Variants in PRELID2 observed in about 807,000 individuals in gnomAD.
The protein encoded by PRELID2 is PRELI domain containing 2, also known as PRELI domain-containing protein 2.
In PRELID2, 25 loss-of-function variants were observed where a neutral mutation model predicts 28.4. The ratio of observed to expected loss-of-function variants is 0.88; its 90% CI spans 0.64 to 1.23. The LOEUF (loss-of-function observed/expected upper bound fraction) is 1.23, where lower values mean the gene tolerates loss of function less well. Among genes scored for constraint, PRELID2 ranks in the 50% most tolerant of loss-of-function variants. The probability of loss-of-function intolerance (pLI) is 0.00; values close to 1 mark genes in which losing one functional copy is unlikely to be tolerated. For missense variants in PRELID2, 201 were observed against 214.4 expected (o/e 0.94, Z 0.39); for synonymous variants, 76 against 71.6 (o/e 1.06, Z -0.31).
chr5:145,555,191 T>C (rs967330103), intron 1 of PRELID2, among the ~76,000 whole-genome samples: 6 of 152,232 alleles, frequency 3.9e-5, no homozygotes, highest in Admixed American at 6.5e-5. Flanking sequence ...CATCAAAGTG[T>C]GATCCATGAA....
chr5:145,727,618 G>A (rs1052587149), intron 1 of PRELID2, among the ~76,000 whole-genome samples: 5 of 152,278 alleles, frequency 3.3e-5, no homozygotes, highest in East Asian at 3.9e-4. Flanking sequence ...ACTAAAAGGA[G>A]ACAGCACAAG....
the PRELID2 span, among the ~76,000 whole-genome samples, chr5:145,416,541 A>T: frequency 1.7e-4 from 26 of 152,170 alleles, no homozygotes; most frequent in African/African-American, 6.0e-4. Flanking sequence ...AAATATCCTG[A>T]ATGACTCTTG....
Position 145,505,262 on chromosome 5 carries a change from T to C in PRELID2, n.71-31947A>G, listed in dbSNP as rs76500739. The stretch of plus-strand genomic sequence containing the variant: ...TTTACTACCATCCAAGTGCAAGCCA[T>C]CATCAATGCCACCACTAGTCCATAT... On this transcript the variant is annotated intron_variant and non_coding_transcript_variant, in intron 1 of 2. Transcript: ENST00000510259. Among the ~76,000 whole-genome samples, 24 of 152,256 alleles carry C rather than the reference T, an allele frequency of 1.6e-4. No individual in the cohort carries two copies. In the East Asian group the frequency reaches 4.3e-3, roughly 27 times the overall value.
chr5:145,618,509 C>G (rs969318069), intron 1 of PRELID2, among the ~76,000 whole-genome samples: 5 of 152,322 alleles, frequency 3.3e-5, no homozygotes, highest in African/African-American at 1.2e-4. Flanking sequence ...TGGGGCTTAT[C>G]TGCACAGAGT....
intron 3 of PRELID2, chr5:145,819,683 T>A (rs1405077893): frequency 3.5e-6 from 2 of 566,014 alleles, no homozygotes; most frequent in Non-Finnish European, 6.2e-6. Context: ...TCATGCAAAA[T>A]GCCAAAAGTA....
chr5:145,790,340 G>A (rs192992827), intron 5 of PRELID2, among the ~76,000 whole-genome samples: 3 of 152,258 alleles, frequency 2.0e-5, no homozygotes, highest in East Asian at 3.9e-4. Flanking sequence ...TCTGTCATTT[G>A]TGACAACATG....
intron 1 of PRELID2, among the ~76,000 whole-genome samples, chr5:145,580,688 T>C (rs1400527654): frequency 6.6e-6 from 1 of 152,048 alleles, no homozygotes; most frequent in Non-Finnish European, 1.5e-5. Flanking sequence ...CTCTTCTGAA[T>C]TAGCCAGGCC....
downstream of PRELID2, among the ~76,000 whole-genome samples, chr5:145,468,761 T>C (rs1752026154): frequency 6.6e-6 from 1 of 152,166 alleles, no homozygotes. Flanking sequence ...TTGATGGGGT[T>C]GTTTGTTTGT....
chr5:145,280,604 A>G, the PRELID2 span, among the ~76,000 whole-genome samples: 1 of 152,100 alleles, frequency 6.6e-6, no homozygotes, highest in African/African-American at 2.4e-5. Context: ...ATACACATGT[A>G]ACTAACCTGC....
intron 1 of PRELID2, among the ~76,000 whole-genome samples, chr5:145,699,653 C>A (rs1242713802): frequency 1.3e-5 from 2 of 152,128 alleles, no homozygotes; most frequent in African/African-American, 2.4e-5. Flanking sequence ...AAACTGATTT[C>A]AGAGCCATAT....
the PRELID2 span, among the ~76,000 whole-genome samples, chr5:145,378,359 G>A: frequency 6.6e-6 from 1 of 152,244 alleles, no homozygotes; most frequent in South Asian, 2.1e-4. Context: ...ATTTCTCATG[G>A]ATGATATCCT....
chr5:145,728,869 C>T (rs1341939379), intron 1 of PRELID2: 40 of 935,026 alleles, frequency 4.3e-5, no homozygotes, highest in Non-Finnish European at 6.8e-5. Context: ...TTGACTGCTC[C>T]TCCAAGTGAC....
At chr5:145,449,523 G>T in the PRELID2 span, among the ~76,000 whole-genome samples, 1 of 152,078 alleles carries the variant, frequency 6.6e-6, no homozygotes, top group South Asian at 2.1e-4. Flanking sequence ...GGAGCTTGGG[G>T]TTTATATGGG....
At chr5:145,383,149 A>G in the PRELID2 span, among the ~76,000 whole-genome samples, 1 of 151,544 alleles carries the variant, frequency 6.6e-6, no homozygotes, top group East Asian at 1.9e-4. Context: ...ATGTGGGAAA[A>G]AAAAGCAAAC....
At chr5:145,812,184 A>C (rs1753998043) in intron 4 of PRELID2, among the ~76,000 whole-genome samples, 1 of 152,160 alleles carries the variant, frequency 6.6e-6, no homozygotes, top group Non-Finnish European at 1.5e-5. Context: ...CCTCCTCTAC[A>C]TAGCTCTTTC....
At chr5:145,382,412 T>C in the PRELID2 span, among the ~76,000 whole-genome samples, 1 of 151,908 alleles carries the variant, frequency 6.6e-6, no homozygotes, top group Non-Finnish European at 1.5e-5. Flanking sequence ...TTCAAAAATC[T>C]CAGCAAATGA....
At chr5:145,702,447 G>T (rs537087183) in intron 1 of PRELID2, among the ~76,000 whole-genome samples, 17 of 152,228 alleles carry the variant, frequency 1.1e-4, no homozygotes, top group Middle Eastern at 3.4e-3. Flanking sequence ...TTGGCTCTTG[G>T]ATCCCTCCTT....
At chr5:145,700,391 CA>C (rs199714885) in intron 1 of PRELID2, among the ~76,000 whole-genome samples, 51 of 152,170 alleles carry the variant, frequency 3.4e-4, no homozygotes, top group African/African-American at 1.2e-3. Context: ...CTTTCCCCCC[CA>C]CCACTCTCAA....
At chr5:145,499,155 G>A (rs1426254197) in intron 1 of PRELID2, among the ~76,000 whole-genome samples, 1 of 152,124 alleles carries the variant, frequency 6.6e-6, no homozygotes, top group Non-Finnish European at 1.5e-5. Context: ...GGCTAAGGTG[G>A]AAGGATCTCT....
Sources: allele counts gnomAD v4.1 joint callset (sites outside exome capture counted in the v4.1 genomes callset), GRCh38; gene constraint gnomAD v4.1.1; transcripts MANE v1.5; gene names NCBI Gene and HGNC (gene_info 2026-07-23, HGNC 2026-07-21).